Variants in POP1 observed in about 807,000 individuals in gnomAD.
The protein encoded by POP1 is POP1 ribonuclease P/MRP subunit.
Under a neutral mutation model 102.2 loss-of-function variants are expected in POP1, and 75 were observed. The ratio of observed to expected loss-of-function variants is 0.73; its 90% CI spans 0.61 to 0.89. POP1 has a LOEUF of 0.89. Ranked by LOEUF, POP1 falls within the 40% of genes least tolerant of loss-of-function variation. The pLI is 0.00. For missense variants in POP1, 1,116 were observed against 1,267.4 expected, an observed-to-expected ratio of 0.88 and a Z score of 1.81; for synonymous variants, 436 against 464.1, an observed-to-expected ratio of 0.94 and a Z score of 0.78.
Position 98,124,360 on chromosome 8 carries a change from G to A in POP1, c.142+881G>A, listed in dbSNP as rs548399288. Among the ~76,000 whole-genome samples, 421 of 152,186 alleles carry A rather than the reference G, an allele frequency of 2.8e-3. 1 individual carries two copies. Among genetic ancestry groups the A allele is most frequent in the African/African-American group, 9.3e-3 (387 of 41,520 alleles). On this transcript the variant is annotated intron_variant, in intron 2 of 15. Coordinates refer to ENST00000401707, the MANE Select transcript of POP1 (RefSeq NM_001145860.2). ...GCGGATCACCTGAAGTCAGGAGTTC[G>A]AGACCAGAGTGGCCAACATGGCGAA...
intron 9 of POP1, 94 bp downstream of exon 9, chr8:98,137,048 C>A: frequency 8.6e-7 from 1 of 1,156,960 alleles, no homozygotes; most frequent in Non-Finnish European, 1.3e-6. Context: ...CATTTTGGGC[C>A]ATGGCTTTTA....
rs116938203 is a variant in POP1, at chr8:98,135,954, C to T, written c.1012-528C>T. On this transcript the variant is annotated intron_variant, in intron 7 of 15. Coordinates refer to ENST00000401707, the MANE Select transcript of POP1 (RefSeq NM_001145860.2). ...TCCTGGGCTGAAGCCATCCTCCTGC[C>T]TCAGCTTCCCAAAGTGCTGAGATTA... 2.9e-3 allele frequency among the ~76,000 whole-genome samples: 447 copies of T among 152,324 alleles called. 8 individuals are homozygous for T. The highest frequency in any genetic ancestry group is 0.028 in the East Asian group (144 of 5,186).
At chr8:98,123,212 C>A in intron 1 of POP1, 124 bp from the exon 2 acceptor site, 1 of 1,136,958 alleles carries the variant, frequency 8.8e-7, no homozygotes, top group Non-Finnish European at 1.3e-6. Flanking sequence ...CTGCAATATA[C>A]TAATAGGGTC....
At chr8:98,142,057 C>T (rs16896680) in intron 11 of POP1, among the ~76,000 whole-genome samples, 20,290 of 151,844 alleles carry the variant, frequency 0.13, 1,472 homozygotes, top group Middle Eastern at 0.26. Flanking sequence ...TTTTTTACTA[C>T]GAATGTGGTC....
At chr8:98,125,395 A>G (rs1033491548) in intron 2 of POP1, among the ~76,000 whole-genome samples, 1 of 152,068 alleles carries the variant, frequency 6.6e-6, no homozygotes, top group African/African-American at 2.4e-5. Flanking sequence ...CATATTGGCC[A>G]TGCTGGTGTC....
intron 2 of POP1, among the ~76,000 whole-genome samples, chr8:98,125,913 G>C (rs371017339): frequency 2.6e-5 from 4 of 151,904 alleles, no homozygotes; most frequent in African/African-American, 9.7e-5. Flanking sequence ...TGGCACAATC[G>C]TGGCTCACTT....
At chr8:98,153,934 G>A (rs1236013383) in intron 14 of POP1, among the ~76,000 whole-genome samples, 1 of 152,156 alleles carries the variant, frequency 6.6e-6, no homozygotes, top group Non-Finnish European at 1.5e-5. Flanking sequence ...CTGTTAGCCT[G>A]CCACTGACAT....
chr8:98,140,939 G>A (rs1425127962), intron 11 of POP1, 51 bp downstream of exon 11: 2 of 1,597,728 alleles, frequency 1.3e-6, no homozygotes, highest in Non-Finnish European at 1.7e-6. Context: ...GAGCAGTCCA[G>A]TCTTATTAGA....
At position 98,149,104 on chromosome 8, in the gene POP1, G is replaced by C. The variant is rs77960158; in HGVS notation, c.1902+98G>C. On this transcript the variant is annotated intron_variant, in intron 13 of 15. Transcript: ENST00000401707. ...GTTCCAGACTTTATGTACAACTTAG[G>C]AGGAATTGAGTGGTGTATTTCTGCC... 4.7e-4 allele frequency: 542 copies of C among 1,160,436 alleles called. 1 individual carries two copies. In the East Asian group the frequency reaches 0.013, roughly 27 times the overall value. The allele number at this position is 1,160,436 out of a possible 1,614,324, so 71.9% of individuals were successfully genotyped here. A position where few individuals can be genotyped will look rare whatever the true frequency, so the allele number is the denominator to read the frequency against.
Position 98,150,538 on chromosome 8 carries a change from GTAT to G in POP1, c.1957_1959del (p.Tyr653del). On this transcript the variant is annotated inframe_deletion, in exon 14 of 16. Coordinates refer to ENST00000401707, the MANE Select transcript of POP1 (RefSeq NM_001145860.2). ...TGAAAGAGTCTGCAGTGCATTCTCA[GTAT>G]AAGAGGTCGCCTAATGTCCCAGGCG... 6.2e-7 allele frequency: 1 copy of G among 1,614,142 alleles called. No individual in the cohort carries two copies. Among genetic ancestry groups the G allele is most frequent in the Non-Finnish European group, 8.5e-7 (1 of 1,180,022 alleles).
chr8:98,142,897 C>G (rs973629394), intron 11 of POP1, among the ~76,000 whole-genome samples: 2 of 152,194 alleles, frequency 1.3e-5, no homozygotes, highest in African/African-American at 4.8e-5. Flanking sequence ...TTCTCTGCTT[C>G]CCCTGGGCCC....
At position 98,149,038 on chromosome 8, in the gene POP1, T is replaced by C. The variant is rs1351366966; in HGVS notation, c.1902+32T>C. On this transcript the variant is annotated intron_variant, in intron 13 of 15. Coordinates refer to ENST00000401707, the MANE Select transcript of POP1 (RefSeq NM_001145860.2). ...TACTTTTTGATTCTAACAGTTGCAA[T>C]ATTTAAAATACATTCCTAATAAATG... is the stretch of plus-strand genomic sequence containing the variant. 5 of 1,557,058 alleles carry C rather than the reference T, an allele frequency of 3.2e-6. No homozygotes were observed. The South Asian group carries it at 5.7e-5, about 18-fold the overall frequency.
At chr8:98,117,497 G>A (rs1223846975) in intron 1 of POP1, 107 bp downstream of exon 1, 1 of 239,440 alleles carries the variant, frequency 4.2e-6, no homozygotes, top group Non-Finnish European at 8.4e-6. Flanking sequence ...TTCTCTCTCA[G>A]ACTCCGCTGA....
At chr8:98,155,948 TGTGTGTG>T in intron 14 of POP1, 95 bp from the exon 15 acceptor site, 7 of 943,092 alleles carry the variant, frequency 7.4e-6, no homozygotes, top group East Asian at 2.6e-5. Flanking sequence ...TGTGTGTGTG[TGTGTGTG>T]TTTTAAAATA....
intron 1 of POP1, among the ~76,000 whole-genome samples, chr8:98,121,642 C>T (rs117887884): frequency 0.016 from 2,486 of 151,362 alleles, 29 homozygotes; most frequent in Middle Eastern, 0.048. Context: ...CGCAGCCTCC[C>T]GAATAGCTGG....
intron 13 of POP1, among the ~76,000 whole-genome samples, chr8:98,149,833 G>A (rs1392738848): frequency 6.6e-6 from 1 of 151,754 alleles, no homozygotes; most frequent in Non-Finnish European, 1.5e-5. Context: ...GAGTGTAAAA[G>A]GCATGTGAGA....
At chr8:98,153,031 G>A (rs899875710) in intron 14 of POP1, among the ~76,000 whole-genome samples, 2 of 152,120 alleles carry the variant, frequency 1.3e-5, no homozygotes, top group Non-Finnish European at 2.9e-5. Context: ...GTGCAGTGGT[G>A]CGATCATAGC....
At chr8:98,140,644 C>G in intron 10 of POP1, 125 bp from the exon 11 acceptor site, 1 of 930,144 alleles carries the variant, frequency 1.1e-6, no homozygotes, top group Non-Finnish European at 1.7e-6. Context: ...AGAGGGAATA[C>G]ATGTTTTTAA....
Position 98,127,709 on chromosome 8 carries a change from G to T in POP1, c.257G>T (p.Gly86Val), listed in dbSNP as rs1413924956. The change falls in exon 3 of 16, where the codon GGA becomes GTA. Residue 86 changes from glycine (G) to valine (V), a missense_variant. Physicochemically the swap from Gly to Val is moderately radical, Grantham distance 109. Transcript: ENST00000401707. Reference sequence around the variant, plus strand: ...AAAGGGATGTTTAGAAAAAAGGGAGGATGGAAAGCAGGTCCCGAGGGCACG... The same window carrying T: ...AAAGGGATGTTTAGAAAAAAGGGAGTATGGAAAGCAGGTCCCGAGGGCACG... The part of the protein sequence containing the change: ...SSKGMFRKKG[G>V]WKAGPEGTSQ... 1 of 1,614,088 alleles carries T rather than the reference G, an allele frequency of 6.2e-7. No homozygotes were observed. The highest frequency in any genetic ancestry group is 8.5e-7 in the Non-Finnish European group (1 of 1,180,014).
Sources: allele counts gnomAD v4.1 joint callset (sites outside exome capture counted in the v4.1 genomes callset), GRCh38; gene constraint gnomAD v4.1.1; transcripts MANE v1.5; gene names NCBI Gene and HGNC (gene_info 2026-07-23, HGNC 2026-07-21).